Variants in CFAP97 observed in about 807,000 individuals in gnomAD.
CFAP97 encodes the protein cilia and flagella associated protein 97, also known as cilia- and flagella-associated protein 97.
Under a neutral mutation model 43.1 loss-of-function variants are expected in CFAP97, and 36 were observed. The ratio of observed to expected loss-of-function variants is 0.84; its 90% CI spans 0.64 to 1.10. The LOEUF is 1.10. Ranked by LOEUF, CFAP97 falls within the 50% of genes least tolerant of loss-of-function variation. CFAP97 has a pLI of 0.00. For synonymous variants in CFAP97, 228 were observed against 225.7 expected (o/e 1.01, Z -0.09); for missense variants, 657 against 620.3 (o/e 1.06, Z -0.63).
chr4:185,161,594 T>G lies in CFAP97; in HGVS notation c.*1204A>C, dbSNP rs7696206. The G allele has an allele frequency of 9.9e-4, 151 of 152,256 alleles. No homozygotes were observed. Among genetic ancestry groups the G allele is most frequent in the African/African-American group, 3.4e-3 (143 of 41,546 alleles). 9.4% of individuals were successfully genotyped at this position (152,256 alleles called of 1,614,324 possible). ...TACTTTGTTATATAAAAGCCTAAGT[T>G]TCATAGAAAAAAAATTCTAATTTGA... On this transcript the variant is annotated 3_prime_UTR_variant, in exon 5 of 5. Coordinates refer to ENST00000458385, the MANE Select transcript of CFAP97 (RefSeq NM_020827.3).
intron 1 of CFAP97, among the ~76,000 whole-genome samples, chr4:185,201,325 C>CAA (rs61563241): frequency 0.18 from 22,646 of 127,866 alleles, 2,151 homozygotes; most frequent in African/African-American, 0.23. Context: ...GACTCCGCCT[C>CAA]AAAAAAAAAA....
intron 3 of CFAP97, chr4:185,169,266 G>C (rs933315654): frequency 6.6e-6 from 1 of 152,234 alleles, no homozygotes; most frequent in African/African-American, 2.4e-5. Flanking sequence ...CCCACGTATG[G>C]AGGGAGGGAC....
intron 3 of CFAP97, among the ~76,000 whole-genome samples, chr4:185,165,422 T>C (rs150952791): frequency 2.1e-3 from 326 of 152,366 alleles, no homozygotes; most frequent in African/African-American, 7.6e-3. Context: ...ATAAATTTTG[T>C]TTATAACTAT....
upstream of CFAP97, among the ~76,000 whole-genome samples, chr4:185,206,714 A>G (rs1485202405): frequency 6.6e-6 from 1 of 151,910 alleles, no homozygotes; most frequent in African/African-American, 2.4e-5. Context: ...TGGTTCAGAA[A>G]GACAGAACCA....
intron 2 of CFAP97, among the ~76,000 whole-genome samples, chr4:185,187,419 T>C (rs1349382801): frequency 6.6e-6 from 1 of 151,958 alleles, no homozygotes; most frequent in Non-Finnish European, 1.5e-5. Context: ...CTAACTAATT[T>C]CAGAGTCTAG....
chr4:185,184,899 C>T (rs1735949680), intron 2 of CFAP97, among the ~76,000 whole-genome samples: 2 of 152,020 alleles, frequency 1.3e-5, no homozygotes, highest in African/African-American at 4.8e-5. Context: ...GTTTTTTAAT[C>T]CTCTTTCCTA....
At chr4:185,169,572 G>A in intron 3 of CFAP97, 2 of 971,366 alleles carry the variant, frequency 2.1e-6, no homozygotes, top group Non-Finnish European at 2.4e-6. Context: ...TAATACACTT[G>A]TCCAAACATT....
chr4:185,185,992 A>G (rs1735993245), intron 2 of CFAP97, among the ~76,000 whole-genome samples: 1 of 152,158 alleles, frequency 6.6e-6, no homozygotes. Context: ...CCAATATGTC[A>G]CATTCCAAAA....
intron 3 of CFAP97, among the ~76,000 whole-genome samples, chr4:185,174,258 C>A (rs972232825): frequency 2.6e-5 from 4 of 152,202 alleles, no homozygotes; most frequent in African/African-American, 9.7e-5. Flanking sequence ...ATGTTTTTGA[C>A]ATACGGGAAT....
At chr4:185,183,813 C>T (rs1307675156) in intron 2 of CFAP97, among the ~76,000 whole-genome samples, 3 of 152,178 alleles carry the variant, frequency 2.0e-5, no homozygotes, top group African/African-American at 2.4e-5. Context: ...AAGCCCTGAG[C>T]GCCACCTACT....
At chr4:185,167,998 CAAAA>C (rs1195340198) in intron 3 of CFAP97, among the ~76,000 whole-genome samples, 2 of 54,722 alleles carry the variant, frequency 3.7e-5, no homozygotes, top group Admixed American at 4.2e-4. Context: ...GACTCCTTCT[CAAAA>C]AAAAAAAAAA....
At chr4:185,209,567 C>T (rs758869432), upstream of CFAP97, 3 of 255,038 alleles carry the variant, frequency 1.2e-5, no homozygotes, top group African/African-American at 2.3e-5. This position sits in a 1 kb window ranked among gnomAD's most constrained non-coding sequence, Gnocchi z 5.2. Context: ...AGGGCGGCCC[C>T]GCCCCGCCCG....
intron 3 of CFAP97, among the ~76,000 whole-genome samples, chr4:185,164,685 C>T (rs368619645): frequency 1.6e-4 from 25 of 152,278 alleles, no homozygotes; most frequent in East Asian, 1.5e-3. Context: ...AACAGAACAA[C>T]AACAACAAAC....
upstream of CFAP97, among the ~76,000 whole-genome samples, chr4:185,208,627 C>G (rs1302697809): frequency 1.3e-5 from 2 of 151,874 alleles, no homozygotes; most frequent in Non-Finnish European, 1.5e-5. Context: ...ACTCGGGAGG[C>G]TGAGCCAGGA....
chr4:185,189,809 G>C (rs1442795009), intron 2 of CFAP97, among the ~76,000 whole-genome samples: 1 of 152,188 alleles, frequency 6.6e-6, no homozygotes, highest in Non-Finnish European at 1.5e-5. Context: ...AAAGAAGAAA[G>C]TGAAATATGT....
At chr4:185,209,633 GCC>G (rs1737403321), upstream of CFAP97, 5 of 640,128 alleles carry the variant, frequency 7.8e-6, no homozygotes. The surrounding 1 kb of genome is among the most constrained non-coding windows in gnomAD (Gnocchi z 5.2). Flanking sequence ...GCTGCGCCCG[GCC>G]CGGCAGCTAC....
chr4:185,178,587 C>T (rs1274154339), intron 2 of CFAP97, among the ~76,000 whole-genome samples: 1 of 152,054 alleles, frequency 6.6e-6, no homozygotes, highest in African/African-American at 2.4e-5. Context: ...AGCAAATTTT[C>T]TAGGATGATG....
At position 185,181,949 on chromosome 4, in the gene CFAP97, C is replaced by T. The variant is rs572166668; in HGVS notation, c.1055-5898G>A. Among the ~76,000 whole-genome samples the T allele has an allele frequency of 7.9e-5, 12 of 152,248 alleles. No individual in the cohort carries two copies. In the South Asian group the frequency reaches 2.1e-3, roughly 26 times the overall value. Reference sequence around the variant, plus strand: ...AGGCACTTCACTTCAATCCCTCACACGTTGGTATCACTTTAGCAAAAAATT... The same window carrying T: ...AGGCACTTCACTTCAATCCCTCACATGTTGGTATCACTTTAGCAAAAAATT... On this transcript the variant is annotated intron_variant, in intron 2 of 4. Coordinates refer to ENST00000458385, the MANE Select transcript of CFAP97 (RefSeq NM_020827.3).
intron 2 of CFAP97, among the ~76,000 whole-genome samples, chr4:185,183,179 T>C (rs1476907015): frequency 2.6e-5 from 4 of 152,188 alleles, no homozygotes; most frequent in Non-Finnish European, 4.4e-5. Flanking sequence ...ATCTGAACTC[T>C]CACCTAATAT....
Sources: allele counts gnomAD v4.1 joint callset (sites outside exome capture counted in the v4.1 genomes callset), GRCh38; gene constraint gnomAD v4.1.1; non-coding constraint Gnocchi (gnomAD v3.1); transcripts MANE v1.5; gene names NCBI Gene and HGNC (gene_info 2026-07-23, HGNC 2026-07-21).